The following DLGAP2 variants were observed in gnomAD, a reference collection of about 807,000 sequenced individuals.
The protein encoded by DLGAP2 is DLG associated protein 2.
A neutral mutation model predicts 100.3 loss-of-function variants in DLGAP2; 26 were observed. The observed-to-expected ratio is 0.26, with a 90% CI of 0.19 to 0.36. DLGAP2 has a LOEUF of 0.36. Among genes scored for constraint, DLGAP2 ranks in the 10% least tolerant of loss-of-function variants. DLGAP2 has a pLI of 1.00. For missense variants in DLGAP2, 1,858 were observed against 1,453.2 expected, an observed-to-expected ratio of 1.28 and a Z score of -4.53; for synonymous variants, 886 against 630.1, an observed-to-expected ratio of 1.41 and a Z score of -6.08.
intron 3 of DLGAP2, among the ~76,000 whole-genome samples, chr8:1,452,069 C>A (rs938220326): frequency 2.0e-5 from 3 of 152,280 alleles, no homozygotes; most frequent in African/African-American, 7.2e-5. Context: ...TCTGAGCCAT[C>A]TGTGAATTTG....
intron 3 of DLGAP2, among the ~76,000 whole-genome samples, chr8:1,340,853 T>C (rs991142434): frequency 6.6e-6 from 1 of 152,084 alleles, no homozygotes; most frequent in African/African-American, 2.4e-5. Flanking sequence ...CAATGGTAGA[T>C]TGGATAAAGA....
intron 8 of DLGAP2, among the ~76,000 whole-genome samples, chr8:1,646,088 G>A (rs1470502594): frequency 6.6e-6 from 1 of 152,188 alleles, no homozygotes; most frequent in Non-Finnish European, 1.5e-5. Flanking sequence ...CATTATTGTG[G>A]GTGTGTCTGA....
chr8:860,524 C>T (rs1228377368), intron 1 of DLGAP2, among the ~76,000 whole-genome samples: 1 of 152,214 alleles, frequency 6.6e-6, no homozygotes, highest in African/African-American at 2.4e-5. Context: ...AGGGTGGACG[C>T]CTCCCGGCAA....
rs1364397605 is a variant in DLGAP2, at chr8:1,418,056, A to G, written c.107-83310A>G. Reference sequence around the variant, plus strand: ...GGAAGTGGGGGATTAGATGCCTGCAAGAATATTGTTATCTCATTAGCAAAA... The same window carrying G: ...GGAAGTGGGGGATTAGATGCCTGCAGGAATATTGTTATCTCATTAGCAAAA... On this transcript the variant is annotated intron_variant, in intron 3 of 14. Transcript: ENST00000637795. 3.3e-5 allele frequency among the ~76,000 whole-genome samples: 5 copies of G among 152,222 alleles called. No homozygotes were observed. The East Asian group carries it at 9.6e-4, about 29-fold the overall frequency.
intron 3 of DLGAP2, among the ~76,000 whole-genome samples, chr8:1,364,603 G>A (rs542511981): frequency 1.2e-4 from 19 of 152,362 alleles, no homozygotes; most frequent in South Asian, 6.2e-4. Context: ...AGGGGCCGGC[G>A]TGCCGCCTCT....
chr8:1,044,127 A>G (rs1456306377), intron 2 of DLGAP2, among the ~76,000 whole-genome samples: 1 of 152,112 alleles, frequency 6.6e-6, no homozygotes, highest in Non-Finnish European at 1.5e-5. Context: ...AGATACTACC[A>G]CAGTCCTCCT....
intron 2 of DLGAP2, among the ~76,000 whole-genome samples, chr8:985,754 G>A (rs1247243482): frequency 2.6e-5 from 4 of 152,142 alleles, no homozygotes; most frequent in Admixed American, 6.5e-5. Context: ...TCAAGGTAAC[G>A]CTTATCTTTG....
At chr8:1,636,341 G>C (rs1441592960) in intron 8 of DLGAP2, among the ~76,000 whole-genome samples, 1 of 152,206 alleles carries the variant, frequency 6.6e-6, no homozygotes, top group African/African-American at 2.4e-5. Context: ...AAGCATGGCA[G>C]AGGAAACAGC....
At chr8:1,222,899 C>T (rs1236839710) in intron 2 of DLGAP2, among the ~76,000 whole-genome samples, 2 of 152,118 alleles carry the variant, frequency 1.3e-5, no homozygotes, top group South Asian at 2.1e-4. Context: ...GCCGGCCAGC[C>T]GTGCTCTCTC....
chr8:820,748 T>C (rs982220794), intron 1 of DLGAP2, among the ~76,000 whole-genome samples: 2 of 152,158 alleles, frequency 1.3e-5, no homozygotes, highest in Non-Finnish European at 2.9e-5. Flanking sequence ...ACTCACATAA[T>C]GAGAAGCATT....
At chr8:1,509,104 G>T (rs995610613) in intron 4 of DLGAP2, among the ~76,000 whole-genome samples, 1 of 152,052 alleles carries the variant, frequency 6.6e-6, no homozygotes, top group Non-Finnish European at 1.5e-5. Context: ...AGGCCGAGGC[G>T]GGCGGATCAC....
At chr8:782,387 T>C (rs1821716693) in intron 1 of DLGAP2, among the ~76,000 whole-genome samples, 1 of 152,120 alleles carries the variant, frequency 6.6e-6, no homozygotes, top group South Asian at 2.1e-4. Context: ...TGATGACATA[T>C]TATATTAATA....
intron 2 of DLGAP2, among the ~76,000 whole-genome samples, chr8:1,154,780 C>T (rs1281545131): frequency 6.6e-6 from 1 of 152,096 alleles, no homozygotes; most frequent in Admixed American, 6.5e-5. Context: ...ATAGTCCTGC[C>T]GTCCATCCCG....
At chr8:1,571,711 T>C in intron 6 of DLGAP2, among the ~76,000 whole-genome samples, 1 of 95,498 alleles carries the variant, frequency 1.0e-5, no homozygotes, top group African/African-American at 4.4e-5. Flanking sequence ...GGAGAGAGGG[T>C]GAACTGTGGG....
chr8:1,214,146 C>G (rs1798164233), intron 2 of DLGAP2, among the ~76,000 whole-genome samples: 1 of 152,210 alleles, frequency 6.6e-6, no homozygotes. Flanking sequence ...CCCCTTCCCT[C>G]CACACCTCAT....
intron 1 of DLGAP2, among the ~76,000 whole-genome samples, chr8:894,977 TGGCATGGGAAG>T (rs1798116333): frequency 2.3e-5 from 2 of 85,124 alleles, no homozygotes; most frequent in African/African-American, 4.6e-5. Flanking sequence ...ATGGCAGGGG[TGGCATGGGAAG>T]AGCAGAGTGG....
chr8:1,484,530 C>T (rs557843569), intron 3 of DLGAP2, among the ~76,000 whole-genome samples: 6 of 152,224 alleles, frequency 3.9e-5, no homozygotes, highest in Non-Finnish European at 8.8e-5. Context: ...ATCACGACGG[C>T]TGAGGCCTTT....
At chr8:855,319 C>T (rs1797256926) in intron 1 of DLGAP2, among the ~76,000 whole-genome samples, 1 of 148,666 alleles carries the variant, frequency 6.7e-6, no homozygotes, top group South Asian at 2.1e-4. Context: ...AATTCATGTG[C>T]TCCCAGCGGG....
chr8:741,745 G>T (rs1820491215), intron 1 of DLGAP2, among the ~76,000 whole-genome samples: 1 of 152,240 alleles, frequency 6.6e-6, no homozygotes, highest in Non-Finnish European at 1.5e-5. Context: ...ACCTCATGGG[G>T]TTGGCTTGGC....
Sources: allele counts gnomAD v4.1 joint callset (sites outside exome capture counted in the v4.1 genomes callset), GRCh38; gene constraint gnomAD v4.1.1; transcripts MANE v1.5; gene names NCBI Gene and HGNC (gene_info 2026-07-23, HGNC 2026-07-21).